The following PAK1 variants were observed in gnomAD, a reference collection of about 807,000 sequenced individuals.
PAK1 encodes the protein serine/threonine-protein kinase PAK 1.
A neutral mutation model predicts 67.4 loss-of-function variants in PAK1; 29 were observed. That is an observed-to-expected ratio of 0.43 (90% CI 0.32 to 0.59). The LOEUF is 0.59. Ranked by LOEUF, PAK1 falls within the 20% of genes least tolerant of loss-of-function variation. The probability of loss-of-function intolerance (pLI) is 0.07; values close to 1 mark genes in which losing one functional copy is unlikely to be tolerated. For missense variants in PAK1, 337 were observed against 670.7 expected (o/e 0.50, Z 5.50); for synonymous variants, 223 against 237.4 (o/e 0.94, Z 0.56).
chr11:77,329,005 C>T (rs1326824907), intron 14 of PAK1: 1 of 152,178 alleles, frequency 6.6e-6, no homozygotes, highest in Admixed American at 6.5e-5. Context: ...ACTATAAACA[C>T]CTCTATGCAA....
chr11:77,490,932 G>A, the PAK1 span, among the ~76,000 whole-genome samples: 17 of 152,172 alleles, frequency 1.1e-4, no homozygotes, highest in Admixed American at 1.0e-3. Context: ...TGAAGGCAGC[G>A]TGCTTGTTGA....
At chr11:77,434,346 T>G (rs1956009397) in intron 1 of PAK1, among the ~76,000 whole-genome samples, 1 of 152,082 alleles carries the variant, frequency 6.6e-6, no homozygotes, top group Non-Finnish European at 1.5e-5. Flanking sequence ...ATAGAATATT[T>G]TTCAGCAAAA....
At chr11:77,391,669 G>A (rs938448760) in intron 2 of PAK1, among the ~76,000 whole-genome samples, 3 of 152,152 alleles carry the variant, frequency 2.0e-5, no homozygotes, top group Admixed American at 6.5e-5. Context: ...CCTTGTCTAC[G>A]AGGATCTTGG....
the PAK1 span, among the ~76,000 whole-genome samples, chr11:77,495,357 C>T: frequency 5.8e-3 from 872 of 151,602 alleles, 6 homozygotes; most frequent in African/African-American, 0.02. Flanking sequence ...GACTGTAATC[C>T]CAGCTACTCA....
chr11:77,412,991 T>A (rs537763740), intron 1 of PAK1, among the ~76,000 whole-genome samples: 1 of 152,266 alleles, frequency 6.6e-6, no homozygotes, highest in Non-Finnish European at 1.5e-5. Context: ...TGCCTCCCAA[T>A]TACTGAAACA....
chr11:77,510,111 G>A, the PAK1 span, among the ~76,000 whole-genome samples: 3 of 151,886 alleles, frequency 2.0e-5, no homozygotes, highest in South Asian at 4.2e-4. Flanking sequence ...TTCCCTTTTT[G>A]GTTTAGGTTG....
intron 4 of PAK1, among the ~76,000 whole-genome samples, chr11:77,375,377 A>G (rs1320235824): frequency 6.6e-6 from 1 of 152,220 alleles, no homozygotes; most frequent in East Asian, 1.9e-4. Context: ...CTATATCCAT[A>G]TCTACTGCCC....
At chr11:77,458,120 C>T (rs1390502226) in intron 1 of PAK1, among the ~76,000 whole-genome samples, 1 of 152,176 alleles carries the variant, frequency 6.6e-6, no homozygotes, top group Non-Finnish European at 1.5e-5. Flanking sequence ...TCCAAAAATA[C>T]CACTTAAAGT....
intron 13 of PAK1, among the ~76,000 whole-genome samples, chr11:77,334,926 ATTATTAAGG>A (rs1565581641): frequency 6.6e-6 from 1 of 152,164 alleles, no homozygotes; most frequent in Non-Finnish European, 1.5e-5. Context: ...CTGATAACTG[ATTATTAAGG>A]TCATTAAGAA....
intron 1 of PAK1, among the ~76,000 whole-genome samples, chr11:77,436,766 A>G (rs1297949314): frequency 6.6e-6 from 1 of 152,242 alleles, no homozygotes; most frequent in African/African-American, 2.4e-5. Flanking sequence ...ACTCCAAATT[A>G]CATATCAGAA....
chr11:77,407,479 G>A (rs775687233), intron 1 of PAK1, among the ~76,000 whole-genome samples: 11 of 152,202 alleles, frequency 7.2e-5, no homozygotes, highest in Non-Finnish European at 1.5e-4. Context: ...ATTCTTGCCT[G>A]TCAGTGGCAA....
At chr11:77,430,273 C>T (rs762477999) in intron 1 of PAK1, among the ~76,000 whole-genome samples, 2 of 152,136 alleles carry the variant, frequency 1.3e-5, no homozygotes, top group South Asian at 2.1e-4. Flanking sequence ...TACAGGACAT[C>T]GGGTTTTTGG....
intron 4 of PAK1, among the ~76,000 whole-genome samples, chr11:77,375,479 T>G (rs1412051531): frequency 1.3e-5 from 2 of 152,182 alleles, no homozygotes; most frequent in Admixed American, 6.5e-5. Flanking sequence ...AAGAATAGAA[T>G]CAAGCTCCCT....
intron 1 of PAK1, among the ~76,000 whole-genome samples, chr11:77,448,112 A>T (rs1288736843): frequency 6.6e-6 from 1 of 152,188 alleles, no homozygotes; most frequent in East Asian, 1.9e-4. Context: ...TTGGGTTTGA[A>T]TCCCAATTCT....
intron 14 of PAK1, among the ~76,000 whole-genome samples, chr11:77,330,834 C>G (rs1365818949): frequency 6.6e-6 from 1 of 152,274 alleles, no homozygotes; most frequent in East Asian, 1.9e-4. Context: ...AAACCACCAT[C>G]AGAGTGAACA....
upstream of PAK1, chr11:77,474,636 G>A (rs1958028397): frequency 6.6e-6 from 1 of 152,212 alleles, no homozygotes; most frequent in Non-Finnish European, 1.5e-5. Context: ...GATGTCGTGT[G>A]ATCTCACAGC....
At chr11:77,409,450 A>G (rs1954164588) in intron 1 of PAK1, among the ~76,000 whole-genome samples, 1 of 152,186 alleles carries the variant, frequency 6.6e-6, no homozygotes, top group South Asian at 2.1e-4. Context: ...ATTACTGAGT[A>G]TATATCTAAA....
At chr11:77,335,517 C>G (rs749885409) in intron 13 of PAK1, among the ~76,000 whole-genome samples, 3 of 152,168 alleles carry the variant, frequency 2.0e-5, no homozygotes, top group Non-Finnish European at 4.4e-5. Flanking sequence ...TTCATCTTGT[C>G]AGCTAGTCCT....
Position 77,423,455 on chromosome 11 carries a change from T to C in PAK1, c.-21-30914A>G, listed in dbSNP as rs149878837. Among the ~76,000 whole-genome samples the C allele has an allele frequency of 5.6e-3, 798 of 141,454 alleles. 2 individuals carry two copies. Among genetic ancestry groups the C allele is most frequent in the Non-Finnish European group, 8.0e-3 (525 of 65,508 alleles). The allele number at this position is 141,454 out of a possible 152,430, so 92.8% of individuals were successfully genotyped here. A position where few individuals can be genotyped will look rare whatever the true frequency, so the allele number is the denominator to read the frequency against. On this transcript the variant is annotated intron_variant, in intron 1 of 14. Coordinates refer to ENST00000356341, the MANE Select transcript of PAK1 (RefSeq NM_002576.5). ...CACACACACACACCCCTTAGGACAA[T>C]AGTAATCATCAGTGGAATACAGGTA...
Sources: allele counts gnomAD v4.1 joint callset (sites outside exome capture counted in the v4.1 genomes callset), GRCh38; gene constraint gnomAD v4.1.1; transcripts MANE v1.5; gene names NCBI Gene and HGNC (gene_info 2026-07-23, HGNC 2026-07-21).